The following EIF4ENIF1 variants were observed in gnomAD, a reference collection of about 807,000 sequenced individuals.
EIF4ENIF1 encodes the protein eukaryotic translation initiation factor 4E nuclear import factor 1.
Under a neutral mutation model 110.5 loss-of-function variants are expected in EIF4ENIF1, and 23 were observed. The observed-to-expected ratio is 0.21, with a 90% CI of 0.15 to 0.29. The LOEUF is 0.29. Ranked by LOEUF, EIF4ENIF1 falls within the 10% of genes least tolerant of loss-of-function variation. The pLI, the probability that EIF4ENIF1 is intolerant of heterozygous loss-of-function variation, is 1.00. For missense variants in EIF4ENIF1, 1,031 were observed against 1,221.1 expected (o/e 0.84, Z 2.32); for synonymous variants, 440 against 437.0 (o/e 1.01, Z -0.09).
chr22:31,440,948 G>A, intron 17 of EIF4ENIF1, 80 bp from the exon 18 acceptor site: 8 of 1,555,626 alleles, frequency 5.1e-6, no homozygotes, highest in Non-Finnish European at 7.0e-6. Context: ...CAGTTTTGCT[G>A]ATCTGGAAGT....
At chr22:31,464,128 G>T (rs971276625) in intron 4 of EIF4ENIF1, 161 bp from the exon 5 acceptor site, 63 of 823,190 alleles carry the variant, frequency 7.7e-5, no homozygotes, top group Non-Finnish European at 1.2e-4. Context: ...TGTACATTAT[G>T]TATTTAAATA....
chr22:31,487,179 C>T (rs996764317), intron 2 of EIF4ENIF1, among the ~76,000 whole-genome samples: 7 of 152,068 alleles, frequency 4.6e-5, no homozygotes, highest in Non-Finnish European at 1.0e-4. Flanking sequence ...TTGTGAAACA[C>T]TACTCAAACA....
At position 31,441,066 on chromosome 22, in the gene EIF4ENIF1, C is replaced by A. The variant is rs192168090; in HGVS notation, c.2552-198G>T. ...GGTCAGGAGTTCGAGACCAGTATGG[C>A]CAACATGGTGAAACCCTGTCTCTAC... On this transcript the variant is annotated intron_variant, in intron 17 of 18. Transcript: ENST00000330125. Among the ~76,000 whole-genome samples the A allele has an allele frequency of 4.4e-4, 67 of 152,198 alleles. No homozygotes were observed. The Middle Eastern group carries it at 0.01, about 23-fold the overall frequency.
At chr22:31,440,996 C>G (rs559441189) in intron 17 of EIF4ENIF1, 128 bp from the exon 18 acceptor site, 244 of 1,277,678 alleles carry the variant, frequency 1.9e-4, no homozygotes, top group Non-Finnish European at 2.6e-4. Flanking sequence ...TGGCTCACGC[C>G]TGTAATCCCC....
chr22:31,486,286 A>T (rs11089511), intron 2 of EIF4ENIF1, among the ~76,000 whole-genome samples: 24 of 976 alleles, frequency 0.025, no homozygotes, highest in African/African-American at 0.19. Context: ...AAAAAAAATA[A>T]AAATAAAAAT....
chr22:31,475,963 G>A (rs1313804250), intron 2 of EIF4ENIF1, among the ~76,000 whole-genome samples: 1 of 151,792 alleles, frequency 6.6e-6, no homozygotes, highest in East Asian at 1.9e-4. Flanking sequence ...TGGGGGGAGG[G>A]GTTCAGGGAG....
chr22:31,440,641 T>G, intron 18 of EIF4ENIF1, 63 bp downstream of exon 18: 1 of 1,542,970 alleles, frequency 6.5e-7, no homozygotes, highest in Non-Finnish European at 8.7e-7. Context: ...TGGAAACTAG[T>G]CCTCAAAGCT....
At chr22:31,465,544 G>C (rs1234606642) in intron 4 of EIF4ENIF1, among the ~76,000 whole-genome samples, 2 of 152,202 alleles carry the variant, frequency 1.3e-5, no homozygotes. Context: ...GGATGTTGGA[G>C]CAAGTGCAAC....
At position 31,449,539 on chromosome 22, in the gene EIF4ENIF1, C is replaced by T; in HGVS notation, c.1585-8G>A. 1 of 1,607,552 alleles carries T rather than the reference C, an allele frequency of 6.2e-7. No individual in the cohort carries two copies. The highest frequency in any genetic ancestry group is 8.5e-7 in the Non-Finnish European group (1 of 1,177,858). ...TGGTTGACCCAGAAGTTCCTAAAGG[C>T]AGAAAAGCCAAATCCCTGTGAACTT... On this transcript the variant is annotated splice_polypyrimidine_tract_variant and splice_region_variant and intron_variant, in intron 11 of 18. Transcript: ENST00000330125.
chr22:31,465,577 C>G (rs192470746), intron 4 of EIF4ENIF1, among the ~76,000 whole-genome samples: 1 of 152,180 alleles, frequency 6.6e-6, no homozygotes, highest in Non-Finnish European at 1.5e-5. Flanking sequence ...CTGGTGGAAA[C>G]GTAAAATGGT....
Position 31,471,912 on chromosome 22 carries a change from T to C in EIF4ENIF1, c.102A>G (p.Glu34=). The change falls in exon 3 of 19, where the codon GAA becomes GAG. Residue 34 remains glutamate (E), a synonymous_variant. Coordinates refer to ENST00000330125, the MANE Select transcript of EIF4ENIF1 (RefSeq NM_019843.4). ...SKCPHRYTKE[E]LLDIKELPHS... is the part of the protein sequence containing the mutation. Reference sequence around the variant, plus strand: ...GGGGGAGTTCTTTTATATCCAAGAGTTCTTCCTAAAAAGAGAAGTCAAATA... The same window carrying C: ...GGGGGAGTTCTTTTATATCCAAGAGCTCTTCCTAAAAAGAGAAGTCAAATA... The C allele has an allele frequency of 3.8e-6, 6 of 1,595,814 alleles. No homozygotes were observed. Among genetic ancestry groups the C allele is most frequent in the Non-Finnish European group, 5.1e-6 (6 of 1,175,464 alleles).
intron 11 of EIF4ENIF1, 25 bp downstream of exon 11, chr22:31,450,264 G>A (rs199968604): frequency 6.2e-7 from 1 of 1,600,900 alleles, no homozygotes; most frequent in Admixed American, 1.7e-5. Flanking sequence ...AGACTCCAAG[G>A]CCTCAGTATA....
At chr22:31,456,493 G>C (rs1181817849) in intron 7 of EIF4ENIF1, among the ~76,000 whole-genome samples, 1 of 151,542 alleles carries the variant, frequency 6.6e-6, no homozygotes, top group East Asian at 2.0e-4. Context: ...AAAGTGCTGG[G>C]ATTACAAGCA....
chr22:31,445,968 C>T (rs910547920), intron 14 of EIF4ENIF1, among the ~76,000 whole-genome samples: 3 of 138,334 alleles, frequency 2.2e-5, no homozygotes, highest in East Asian at 4.8e-4. Context: ...CCCCCCCCAT[C>T]TACCTCACAG....
At chr22:31,488,926 T>C (rs904389233) in intron 1 of EIF4ENIF1, 181 bp from the exon 2 acceptor site, 1 of 674,670 alleles carries the variant, frequency 1.5e-6, no homozygotes, top group Non-Finnish European at 2.4e-6. Context: ...TACTCAGTTC[T>C]CTTTCCTAGT....
chr22:31,486,738 T>C (rs896536042), intron 2 of EIF4ENIF1, among the ~76,000 whole-genome samples: 2 of 151,360 alleles, frequency 1.3e-5, no homozygotes, highest in Non-Finnish European at 2.9e-5. Context: ...GATCGCACCA[T>C]TGCACTCTGG....
At chr22:31,490,027 TG>T (rs1181539951), upstream of EIF4ENIF1, 2 of 150,966 alleles carry the variant, frequency 1.3e-5, no homozygotes, top group Non-Finnish European at 2.9e-5. Context: ...GGCCGGGGGG[TG>T]GGAAGGTGGT....
downstream of EIF4ENIF1, chr22:31,437,235 T>A (rs1353176885): frequency 6.6e-6 from 1 of 152,294 alleles, no homozygotes; most frequent in Non-Finnish European, 1.5e-5. Flanking sequence ...ATATGCTTTG[T>A]GGTCCTCAGC....
At chr22:31,491,890 G>GT (rs2052289677), upstream of EIF4ENIF1, among the ~76,000 whole-genome samples, 1 of 152,072 alleles carries the variant, frequency 6.6e-6, no homozygotes, top group Non-Finnish European at 1.5e-5. Context: ...TGGATTTCTG[G>GT]TTACCTACTG....
Sources: gnomAD v4.1 joint callset for allele counts (sites outside exome capture counted in the v4.1 genomes callset) on GRCh38, gnomAD v4.1.1 for gene constraint, MANE v1.5 for transcripts, NCBI Gene and HGNC (gene_info 2026-07-23, HGNC 2026-07-21) for gene names.